ENAM: variants seen among roughly 807,000 people sequenced by gnomAD.
ENAM encodes amelogenesis imperfecta 2, hypocalcification (autosomal dominant).
ENAM carries 21 observed loss-of-function variants against 33.6 expected under a neutral mutation model. The observed-to-expected ratio is 0.63, with a 90% CI of 0.44 to 0.90. The LOEUF is 0.90. ENAM is among the 40% of genes least tolerant of loss of function. The pLI is 0.00. For synonymous variants in ENAM, 473 were observed against 468.4 expected (o/e 1.01, Z -0.13); for missense variants, 1,388 against 1,366.9 (o/e 1.02, Z -0.24).
In ENAM at chr4:70,644,149, C is replaced by T; in HGVS notation, c.2723C>T (p.Pro908Leu). 1 of 1,614,100 alleles carries T rather than the reference C, an allele frequency of 6.2e-7. No individual in the cohort carries two copies. Among genetic ancestry groups the T allele is most frequent in the Non-Finnish European group, 8.5e-7 (1 of 1,180,000 alleles). ...CCTGGGGAGAACCAAGACACCAGTCCTCTGTATACAGACGGTAGTCATACC... is the reference window on the plus strand; with the variant it reads ...CCTGGGGAGAACCAAGACACCAGTCTTCTGTATACAGACGGTAGTCATACC... The part of the protein sequence containing the change: ...LAPGENQDTS[P>L]LYTDGSHTKQ... The change falls in exon 9 of 9, where the codon CCT (proline) becomes CTT (leucine). Residue 908 changes from proline (P) to leucine (L), a missense_variant. By Grantham distance (98) the Pro-to-Leu change is moderately conservative. Coordinates refer to ENST00000396073, the MANE Select transcript of ENAM (RefSeq NM_031889.3).
At chr4:70,638,000 C>T (rs576017134) in intron 8 of ENAM, among the ~76,000 whole-genome samples, 157 bp downstream of exon 8, 4 of 152,218 alleles carry the variant, frequency 2.6e-5, no homozygotes, top group Non-Finnish European at 5.9e-5. Flanking sequence ...ACAAATCAAG[C>T]CAGTGGTCCA....
At position 70,644,116 on chromosome 4, in the gene ENAM, G is replaced by T. The variant is rs906555298; in HGVS notation, c.2690G>T (p.Gly897Val). The T allele has an allele frequency of 6.2e-7, 1 of 1,613,956 alleles. No individual in the cohort carries two copies. Among genetic ancestry groups the T allele is most frequent in the Non-Finnish European group, 8.5e-7 (1 of 1,180,018 alleles). The part of the protein sequence containing the change: ...LALQDYTPSY[G>V]LAPGENQDTS... ...CTACAAGACTACACTCCATCCTATG[G>T]TCTTGCACCTGGGGAGAACCAAGAC... The change falls in exon 9 of 9, where the codon GGT (glycine) becomes GTT (valine). Residue 897 changes from glycine (G) to valine (V), a missense_variant. By Grantham distance (109) the Gly-to-Val change is moderately radical (BLOSUM62 -3). Transcript: ENST00000396073.
chr4:70,643,851 T>C lies in ENAM; in HGVS notation c.2425T>C (p.Tyr809His). Residue 809 changes from tyrosine to histidine, a missense_variant, in exon 9 of 9, where the codon TAT becomes CAT. Coordinates refer to ENST00000396073, the MANE Select transcript of ENAM (RefSeq NM_031889.3). The stretch of plus-strand genomic sequence containing the variant: ...ACCAGACCAGAAAGGTAACCAGCCC[T>C]ATTACAGTAACACCCCAGCTGGGCT... ...RPPDQKGNQP[Y>H]YSNTPAGLQK... The C allele has an allele frequency of 6.2e-7, 1 of 1,614,176 alleles. No homozygotes were observed. The highest frequency in any genetic ancestry group is 1.1e-5 in the South Asian group (1 of 91,086).
Position 70,642,324 on chromosome 4 carries a change from C to T in ENAM, c.898C>T (p.Gln300Ter). ...ACTCCCTGCAGTCAACGCTTCAGGC[C>T]AGGGAGGGCCAGGAAGTCAAATCCC... ...GPLPAVNASG[Q>*]GGPGSQIPWR... Residue 300 changes from glutamine to a stop codon, truncating the protein, a stop_gained, in exon 9 of 9, where the codon CAG becomes TAG. Coordinates refer to ENST00000396073, the MANE Select transcript of ENAM (RefSeq NM_031889.3). LOFTEE classifies it low-confidence loss of function (END_TRUNC). 8 of 1,614,170 alleles carry T rather than the reference C, an allele frequency of 5.0e-6. No individual in the cohort carries two copies. The highest frequency in any genetic ancestry group is 6.8e-6 in the Non-Finnish European group (8 of 1,180,030).
In ENAM at chr4:70,644,679, G is replaced by T; in HGVS notation, c.3253G>T (p.Asp1085Tyr). 1.9e-6 allele frequency: 3 copies of T among 1,614,142 alleles called. No individual in the cohort carries two copies. The highest frequency in any genetic ancestry group is 8.5e-7 in the Non-Finnish European group (1 of 1,180,014). The change falls in exon 9 of 9, where the codon GAT becomes TAT. Residue 1085 changes from aspartate to tyrosine, a missense_variant. Coordinates refer to ENST00000396073, the MANE Select transcript of ENAM (RefSeq NM_031889.3). ...SDGRQSPFDG[D>Y]SITPTENPNT... Reference sequence around the variant, plus strand: ...TGGAAGGCAAAGCCCATTTGATGGGGATTCAATTACGCCTACTGAAAATCC... The same window carrying T: ...TGGAAGGCAAAGCCCATTTGATGGGTATTCAATTACGCCTACTGAAAATCC...
chr4:70,642,647 G>T lies in ENAM; in HGVS notation c.1221G>T (p.Gly407=), dbSNP rs1243673772. ...CAAATCTCAGAAGAAAGCCTCAGGGGCCAAATAAACACCCTGTAGGAACTA... is the reference window on the plus strand; with the variant it reads ...CAAATCTCAGAAGAAAGCCTCAGGGTCCAAATAAACACCCTGTAGGAACTA... ...NPANLRRKPQ[G]PNKHPVGTTV... is the part of the protein sequence containing the mutation. The change falls in exon 9 of 9, where the codon GGG becomes GGT. Residue 407 remains glycine, a synonymous_variant. Coordinates refer to ENST00000396073, the MANE Select transcript of ENAM (RefSeq NM_031889.3). 1 of 1,613,812 alleles carries T rather than the reference G, an allele frequency of 6.2e-7. No homozygotes were observed. Among genetic ancestry groups the T allele is most frequent in the East Asian group, 2.2e-5 (1 of 44,870 alleles).
At chr4:70,632,071 A>G (rs1738338112) in intron 4 of ENAM, among the ~76,000 whole-genome samples, 178 bp downstream of exon 4, 1 of 152,202 alleles carries the variant, frequency 6.6e-6, no homozygotes, top group Admixed American at 6.5e-5. Flanking sequence ...TTCCCCAGCC[A>G]TCAGCCTACC....
Position 70,643,370 on chromosome 4 carries a change from A to ATATC in ENAM, c.1944_1945insTATC (p.Val649TyrfsTer5). The ATATC allele has an allele frequency of 6.2e-7, 1 of 1,614,146 alleles. No individual in the cohort carries two copies. Among genetic ancestry groups the ATATC allele is most frequent in the Non-Finnish European group, 8.5e-7 (1 of 1,180,004 alleles). On this transcript the variant is annotated frameshift_variant, in exon 9 of 9. Transcript: ENST00000396073. LOFTEE classifies it low-confidence loss of function (END_TRUNC). ...TAAATACCCCAGACCAGAAGGAGAT[A>ATATC]GTCCCTTATAATGAAGAGGACCCAG...
At position 70,642,192 on chromosome 4, in the gene ENAM, C is replaced by A. The variant is rs140279358; in HGVS notation, c.766C>A (p.Pro256Thr). 154 of 1,614,036 alleles carry A rather than the reference C, an allele frequency of 9.5e-5. No homozygotes were observed. Among genetic ancestry groups the A allele is most frequent in the South Asian group, 3.7e-4 (34 of 91,070 alleles). Residue 256 changes from proline to threonine, a missense_variant, in exon 9 of 9, where the codon CCA becomes ACA. By Grantham distance (38) the Pro-to-Thr change is conservative. Coordinates refer to ENST00000396073, the MANE Select transcript of ENAM (RefSeq NM_031889.3). ...STVTETNSTQ[P>T]NPKGSQGGND... ...AGTCACTGAGACGAATTCTACCCAA[C>A]CAAATCCTAAAGGGAGTCAGGGAGG...
chr4:70,638,794 C>CT lies in ENAM; in HGVS notation c.588+965dup, dbSNP rs202207649. On this transcript the variant is annotated intron_variant, in intron 8 of 8. Transcript: ENST00000396073. The stretch of plus-strand genomic sequence containing the variant: ...TTATCTTTCTTTTCTTTCTTTCTTT[C>CT]TTTTTTTTTTTTTTGTAAGACAGAG... 3.9e-3 allele frequency among the ~76,000 whole-genome samples: 530 copies of CT among 137,254 alleles called. 1 individual carries two copies. The highest frequency in any genetic ancestry group is 0.015 in the Middle Eastern group (4 of 272). The allele number at this position is 137,254 out of a possible 152,430, so 90.0% of individuals were successfully genotyped here. A position where few individuals can be genotyped will look rare whatever the true frequency, so the allele number is the denominator to read the frequency against.
chr4:70,637,812 G>C lies in ENAM; in HGVS notation c.557G>C (p.Gly186Ala), dbSNP rs1738493726. The change falls in exon 8 of 9, where the codon GGA (glycine) becomes GCA (alanine). Residue 186 changes from glycine (G) to alanine (A), a missense_variant. Transcript: ENST00000396073. The part of the protein sequence containing the change: ...IPQRLPPPGY[G>A]RPPISNEEGG... ...CAGAGGTTACCACCACCAGGTTATGGACGCCCACCAATCAGCAATGAAGAA... is the reference window on the plus strand; with the variant it reads ...CAGAGGTTACCACCACCAGGTTATGCACGCCCACCAATCAGCAATGAAGAA... The C allele has an allele frequency of 1.2e-6, 2 of 1,613,602 alleles. No individual in the cohort carries two copies. Among genetic ancestry groups the C allele is most frequent in the Non-Finnish European group, 1.7e-6 (2 of 1,179,692 alleles).
chr4:70,635,164 G>A (rs1279629452), intron 6 of ENAM, among the ~76,000 whole-genome samples: 1 of 152,140 alleles, frequency 6.6e-6, no homozygotes, highest in African/African-American at 2.4e-5. Context: ...ATCACCTGAG[G>A]TCAGGAGTTC....
chr4:70,643,830 G>C lies in ENAM; in HGVS notation c.2404G>C (p.Asp802His), dbSNP rs1167390767. The C allele has an allele frequency of 1.9e-6, 3 of 1,614,088 alleles. No individual in the cohort carries two copies. Among genetic ancestry groups the C allele is most frequent in the Admixed American group, 1.7e-5 (1 of 60,004 alleles). Residue 802 changes from aspartate (D) to histidine (H), a missense_variant, in exon 9 of 9, where the codon GAC (aspartate) becomes CAC (histidine). By Grantham distance (81) the Asp-to-His change is moderately conservative (BLOSUM62 -1). Coordinates refer to ENST00000396073, the MANE Select transcript of ENAM (RefSeq NM_031889.3). ...ACAAAAAGCCCCAGCTAGGCCACCA[G>C]ACCAGAAAGGTAACCAGCCCTATTA... ...HLQKAPARPP[D>H]QKGNQPYYSN...
In ENAM at chr4:70,646,494, C is replaced by G. The variant is rs1738765799; in HGVS notation, c.*1639C>G. ...ACAGTGTCTTCAACATAGAAGGTACCCAATAAATATATATCAATTCATTTT... is the reference window on the plus strand; with the variant it reads ...ACAGTGTCTTCAACATAGAAGGTACGCAATAAATATATATCAATTCATTTT... On this transcript the variant is annotated 3_prime_UTR_variant, in exon 9 of 9. Transcript: ENST00000396073. 1 of 152,088 alleles carries G rather than the reference C, an allele frequency of 6.6e-6. No individual in the cohort carries two copies. Among genetic ancestry groups the G allele is most frequent in the Non-Finnish European group, 1.5e-5 (1 of 68,020 alleles). 9.4% of individuals were successfully genotyped at this position (152,088 alleles called of 1,614,324 possible).
At chr4:70,641,952 T>C (rs1183189850) in intron 8 of ENAM, 63 bp from the exon 9 acceptor site, 1 of 1,233,674 alleles carries the variant, frequency 8.1e-7, no homozygotes, top group Non-Finnish European at 1.2e-6. Flanking sequence ...TACTAAAAAA[T>C]TCCAAACAAC....
In ENAM at chr4:70,643,849, C is replaced by G; in HGVS notation, c.2423C>G (p.Pro808Arg). The change falls in exon 9 of 9, where the codon CCC becomes CGC. Residue 808 changes from proline to arginine, a missense_variant. Transcript: ENST00000396073. ...ARPPDQKGNQ[P>R]YYSNTPAGLQ... ...CCACCAGACCAGAAAGGTAACCAGCCCTATTACAGTAACACCCCAGCTGGG... is the reference window on the plus strand; with the variant it reads ...CCACCAGACCAGAAAGGTAACCAGCGCTATTACAGTAACACCCCAGCTGGG... The G allele has an allele frequency of 1.9e-6, 3 of 1,614,122 alleles. No homozygotes were observed. The highest frequency in any genetic ancestry group is 2.5e-6 in the Non-Finnish European group (3 of 1,180,018).
chr4:70,637,543 T>C (rs1738484651), intron 7 of ENAM: 2 of 521,688 alleles, frequency 3.8e-6, no homozygotes, highest in African/African-American at 1.9e-5. Context: ...GATGCAGCCA[T>C]ACAGAGTATT....
Position 70,643,170 on chromosome 4 carries a change from A to G in ENAM, c.1744A>G (p.Arg582Gly). 3 of 1,613,914 alleles carry G rather than the reference A, an allele frequency of 1.9e-6. No individual in the cohort carries two copies. Among genetic ancestry groups the G allele is most frequent in the Non-Finnish European group, 2.5e-6 (3 of 1,179,944 alleles). The change falls in exon 9 of 9, where the codon AGG (arginine) becomes GGG (glycine). Residue 582 changes from arginine to glycine, a missense_variant. Coordinates refer to ENST00000396073, the MANE Select transcript of ENAM (RefSeq NM_031889.3). The stretch of plus-strand genomic sequence containing the variant: ...TCCACCTTTTAAGGAAGATCCAGGG[A>G]GGCAAGAAGAACATTTACCCCATCC... Reference protein sequence around the residue: ...ISPPFKEDPGRQEEHLPHPSH... With the variant: ...ISPPFKEDPGGQEEHLPHPSH...
At position 70,632,532 on chromosome 4, in the gene ENAM, T is replaced by C. The variant is rs142669115; in HGVS notation, c.169-119T>C. 1,197 of 804,848 alleles carry C rather than the reference T, an allele frequency of 1.5e-3. 10 individuals carry two copies. In the African/African-American group the frequency reaches 0.018, roughly 12 times the overall value. 49.9% of individuals were successfully genotyped at this position (804,848 alleles called of 1,614,324 possible). ...GACTGTTGTGCATTAAAATCAGAAA[T>C]TTTTACACTGGGAAGTTCTAAGGTT... On this transcript the variant is annotated intron_variant, in intron 4 of 8. Coordinates refer to ENST00000396073, the MANE Select transcript of ENAM (RefSeq NM_031889.3).
Sources: allele counts gnomAD v4.1 joint callset (sites outside exome capture counted in the v4.1 genomes callset), GRCh38; gene constraint gnomAD v4.1.1; transcripts MANE v1.5; gene names NCBI Gene and HGNC (gene_info 2026-07-23, HGNC 2026-07-21).